Variants in CACNA2D3 observed in about 807,000 individuals in gnomAD.
CACNA2D3 encodes the protein voltage-dependent calcium channel subunit alpha-2/delta-3.
Under a neutral mutation model 160.6 loss-of-function variants are expected in CACNA2D3, and 60 were observed. That is an observed-to-expected ratio of 0.37 (90% CI 0.30 to 0.46). The LOEUF (loss-of-function observed/expected upper bound fraction) is 0.46. Among genes scored for constraint, CACNA2D3 ranks in the 20% least tolerant of loss-of-function variants. The pLI, the probability that CACNA2D3 is intolerant of heterozygous loss-of-function variation, is 1.00. For synonymous variants in CACNA2D3, 558 were observed against 492.9 expected (o/e 1.13, Z -1.75); for missense variants, 1,205 against 1,365.0 (o/e 0.88, Z 1.85).
chr3:55,062,663 G>A (rs147267334), intron 35 of CACNA2D3, among the ~76,000 whole-genome samples: 86 of 152,280 alleles, frequency 5.6e-4, no homozygotes, highest in African/African-American at 1.9e-3. Context: ...AATTGGAGGC[G>A]TCTGTCCTTA....
At chr3:54,698,768 T>G (rs942862033) in intron 11 of CACNA2D3, among the ~76,000 whole-genome samples, 3 of 152,214 alleles carry the variant, frequency 2.0e-5, no homozygotes, top group African/African-American at 7.2e-5. Context: ...CACATTTGCC[T>G]AACACTTTTC....
At chr3:54,469,282 A>T (rs1700686385) in intron 4 of CACNA2D3, among the ~76,000 whole-genome samples, 1 of 152,212 alleles carries the variant, frequency 6.6e-6, no homozygotes, top group Non-Finnish European at 1.5e-5. Flanking sequence ...TACCCAGGCA[A>T]ACAGGGTCTG....
chr3:54,982,030 T>G (rs1246896346), intron 29 of CACNA2D3, among the ~76,000 whole-genome samples: 1 of 152,150 alleles, frequency 6.6e-6, no homozygotes, highest in Non-Finnish European at 1.5e-5. Context: ...TGGCCACTTG[T>G]CGGTAGTGAA....
chr3:54,899,350 C>T (rs1700273215), intron 26 of CACNA2D3, among the ~76,000 whole-genome samples: 1 of 152,150 alleles, frequency 6.6e-6, no homozygotes, highest in Non-Finnish European at 1.5e-5. Context: ...AAAGATTTAA[C>T]CAATGAATCA....
chr3:54,922,190 A>G (rs1367602818), intron 27 of CACNA2D3, among the ~76,000 whole-genome samples: 1 of 152,104 alleles, frequency 6.6e-6, no homozygotes, highest in Non-Finnish European at 1.5e-5. Context: ...TAAAACTATC[A>G]GTTTCCCTCT....
At chr3:54,735,337 C>G (rs1461809710) in intron 11 of CACNA2D3, among the ~76,000 whole-genome samples, 2 of 152,204 alleles carry the variant, frequency 1.3e-5, no homozygotes, top group African/African-American at 2.4e-5. Flanking sequence ...CCCACAATCA[C>G]TCCTAGCATT....
At chr3:54,887,844 G>A in intron 23 of CACNA2D3, 115 bp from the exon 24 acceptor site, 1 of 767,784 alleles carries the variant, frequency 1.3e-6, no homozygotes, top group Non-Finnish European at 2.3e-6. Flanking sequence ...AACTCATAAA[G>A]CAACATGCCG....
intron 11 of CACNA2D3, among the ~76,000 whole-genome samples, chr3:54,663,170 AC>A (rs1380804498): frequency 6.6e-6 from 1 of 152,178 alleles, no homozygotes; most frequent in Non-Finnish European, 1.5e-5. Context: ...TCTGGAAGGA[AC>A]CCTCTCTGTC....
At chr3:54,379,755 A>G (rs958809782) in intron 3 of CACNA2D3, among the ~76,000 whole-genome samples, 1 of 152,172 alleles carries the variant, frequency 6.6e-6, no homozygotes, top group African/African-American at 2.4e-5. Context: ...TTTCTCCTGC[A>G]TCCTTCCTGT....
chr3:54,590,796 A>T (rs1020878465), intron 9 of CACNA2D3, among the ~76,000 whole-genome samples: 3 of 152,118 alleles, frequency 2.0e-5, no homozygotes, highest in Non-Finnish European at 4.4e-5. Flanking sequence ...ACCTCAAAAT[A>T]AAAAGTGTAA....
At chr3:54,833,851 C>T (rs1347412893) in intron 14 of CACNA2D3, among the ~76,000 whole-genome samples, 3 of 152,062 alleles carry the variant, frequency 2.0e-5, no homozygotes, top group African/African-American at 4.8e-5. Context: ...AACTGGTATA[C>T]ATAGGAAAGC....
intron 4 of CACNA2D3, among the ~76,000 whole-genome samples, chr3:54,430,787 CAACT>C (rs1224396903): frequency 6.6e-6 from 1 of 152,134 alleles, no homozygotes; most frequent in African/African-American, 2.4e-5. Flanking sequence ...ATTTGCTTGA[CAACT>C]AATTCTTTAG....
Position 54,896,890 on chromosome 3 carries a change from G to T in CACNA2D3, c.2368+20G>T. On this transcript the variant is annotated intron_variant, in intron 26 of 37. Coordinates refer to ENST00000474759, the MANE Select transcript of CACNA2D3 (RefSeq NM_018398.3). ...GCACTGGTGGGTGCCCTTGTTGGAG[G>T]CGGGCTCTGTCTGTCTGGTCCAGTG... The T allele has an allele frequency of 6.2e-7, 1 of 1,613,790 alleles. No homozygotes were observed. The highest frequency in any genetic ancestry group is 8.5e-7 in the Non-Finnish European group (1 of 1,179,844).
chr3:54,535,245 G>C (rs1187185551), intron 5 of CACNA2D3, among the ~76,000 whole-genome samples: 1 of 152,228 alleles, frequency 6.6e-6, no homozygotes, highest in African/African-American at 2.4e-5. Flanking sequence ...TCTGGAGAGA[G>C]TGCCCAGCAA....
At chr3:54,621,596 T>C (rs1335441643) in intron 9 of CACNA2D3, among the ~76,000 whole-genome samples, 3 of 152,202 alleles carry the variant, frequency 2.0e-5, no homozygotes, top group African/African-American at 4.8e-5. Flanking sequence ...TTTATTTTAA[T>C]TGAGAAAAAT....
intron 2 of CACNA2D3, among the ~76,000 whole-genome samples, chr3:54,254,363 G>C (rs1458147995): frequency 1.1e-4 from 16 of 152,174 alleles, no homozygotes; most frequent in Admixed American, 1.0e-3. Flanking sequence ...GGCTGGCCTA[G>C]GGACCAGTGA....
chr3:54,190,136 G>A (rs1700952676), intron 2 of CACNA2D3, among the ~76,000 whole-genome samples: 1 of 152,160 alleles, frequency 6.6e-6, no homozygotes, highest in Non-Finnish European at 1.5e-5. Context: ...TTTTATAAGG[G>A]CACTGATTTT....
At chr3:54,847,067 A>G (rs1698949182) in intron 17 of CACNA2D3, among the ~76,000 whole-genome samples, 1 of 152,210 alleles carries the variant, frequency 6.6e-6, no homozygotes, top group Non-Finnish European at 1.5e-5. Context: ...TTCTCTCAGT[A>G]TCATTTTTAC....
chr3:54,740,299 A>C (rs1233127308), intron 11 of CACNA2D3, among the ~76,000 whole-genome samples: 1 of 152,122 alleles, frequency 6.6e-6, no homozygotes, highest in Non-Finnish European at 1.5e-5. Context: ...TGAAGGTAAG[A>C]AATAAACTTT....
Sources: gnomAD v4.1 joint callset for allele counts (sites outside exome capture counted in the v4.1 genomes callset) on GRCh38, gnomAD v4.1.1 for gene constraint, MANE v1.5 for transcripts, NCBI Gene and HGNC (gene_info 2026-07-23, HGNC 2026-07-21) for gene names.